The following CREB5 variants were observed in gnomAD, a reference collection of about 807,000 sequenced individuals.
The protein encoded by CREB5 is cAMP responsive element binding protein 5, also known as cyclic AMP-responsive element-binding protein 5.
CREB5 carries 19 observed loss-of-function variants against 57.1 expected under a neutral mutation model. That is an observed-to-expected ratio of 0.33 (90% confidence interval 0.23 to 0.49). The LOEUF (loss-of-function observed/expected upper bound fraction) is 0.49, where lower values mean the gene tolerates loss of function less well. Among genes scored for constraint, CREB5 ranks in the 20% least tolerant of loss-of-function variants. CREB5 has a pLI of 0.99. For missense variants in CREB5, 579 were observed against 671.6 expected (o/e 0.86, Z 1.52); for synonymous variants, 238 against 238.3 (o/e 1.00, Z 0.01).
intron 7 of CREB5, among the ~76,000 whole-genome samples, chr7:28,745,602 C>A (rs550393006): frequency 1.1e-3 from 167 of 152,326 alleles, no homozygotes; most frequent in Non-Finnish European, 1.9e-3. Flanking sequence ...CTCATCTCTG[C>A]CAGTGGCTGT....
At chr7:28,651,955 A>G (rs997516912) in intron 5 of CREB5, among the ~76,000 whole-genome samples, 1 of 152,156 alleles carries the variant, frequency 6.6e-6, no homozygotes, top group Admixed American at 6.6e-5. Context: ...TCTGAGCCTC[A>G]GCTTCCTCAC....
intron 4 of CREB5, among the ~76,000 whole-genome samples, chr7:28,512,701 G>T (rs1430488037): frequency 6.6e-6 from 1 of 151,968 alleles, no homozygotes; most frequent in Non-Finnish European, 1.5e-5. Flanking sequence ...ACGGGTAATT[G>T]AAGGGACTAG....
chr7:28,797,996 G>A (rs1427561927), intron 7 of CREB5, among the ~76,000 whole-genome samples: 3 of 151,894 alleles, frequency 2.0e-5, no homozygotes, highest in African/African-American at 7.3e-5. Context: ...ATGCTTTGGA[G>A]AGGCCACAGA....
chr7:28,763,807 A>ATTTTT (rs563568014), intron 7 of CREB5, among the ~76,000 whole-genome samples: 19 of 113,524 alleles, frequency 1.7e-4, no homozygotes, highest in Non-Finnish European at 3.1e-4. Context: ...TATTATTATT[A>ATTTTT]TTATTTTTTT....
At chr7:28,722,242 C>G (rs1472803116) in intron 6 of CREB5, among the ~76,000 whole-genome samples, 2 of 152,208 alleles carry the variant, frequency 1.3e-5, no homozygotes, top group Admixed American at 6.5e-5. Context: ...GCAGGCTACT[C>G]TTACCTCTTT....
chr7:28,810,998 T>C (rs1038471165), intron 9 of CREB5, among the ~76,000 whole-genome samples: 1 of 152,216 alleles, frequency 6.6e-6, no homozygotes, highest in Non-Finnish European at 1.5e-5. Flanking sequence ...GGGAAACATA[T>C]AGCAGATGTG....
At chr7:28,654,050 G>A (rs754398512) in intron 5 of CREB5, among the ~76,000 whole-genome samples, 6 of 152,228 alleles carry the variant, frequency 3.9e-5, no homozygotes, top group Middle Eastern at 6.8e-3. Context: ...ATTTTTTAAA[G>A]CTGTTTTTCA....
At chr7:28,448,914 G>C (rs971339661) in intron 1 of CREB5, among the ~76,000 whole-genome samples, 1 of 152,216 alleles carries the variant, frequency 6.6e-6, no homozygotes, top group Middle Eastern at 3.2e-3. Context: ...TGGGATGCAG[G>C]CCGTTGTGAC....
At chr7:28,745,113 C>T (rs1804617898) in intron 7 of CREB5, among the ~76,000 whole-genome samples, 1 of 152,224 alleles carries the variant, frequency 6.6e-6, no homozygotes, top group South Asian at 2.1e-4. Flanking sequence ...GTGCCCTGAA[C>T]ATCTCTCTTG....
intron 1 of CREB5, among the ~76,000 whole-genome samples, chr7:28,374,953 T>G (rs538673944): frequency 6.6e-6 from 1 of 152,308 alleles, no homozygotes; most frequent in East Asian, 1.9e-4. Flanking sequence ...TAGAAAGTTC[T>G]TCCCTCATTG....
Position 28,819,346 on chromosome 7 carries a change from A to G in CREB5, c.*67A>G. The G allele has an allele frequency of 6.7e-7, 1 of 1,494,104 alleles. No individual in the cohort carries two copies. The highest frequency in any genetic ancestry group is 1.3e-5 in the South Asian group (1 of 75,234). The allele number at this position is 1,494,104 out of a possible 1,614,324, so 92.6% of individuals were successfully genotyped here. On this transcript the variant is annotated 3_prime_UTR_variant, in exon 11 of 11. Transcript: ENST00000357727. Reference sequence around the variant, plus strand: ...ACCATGCGTCCTTTCTTTTAAGGGCATTTTTAGAATTAACTCAGACCTGGA... The same window carrying G: ...ACCATGCGTCCTTTCTTTTAAGGGCGTTTTTAGAATTAACTCAGACCTGGA...
chr7:28,574,706 G>C (rs768339192), intron 5 of CREB5, among the ~76,000 whole-genome samples: 30 of 152,104 alleles, frequency 2.0e-4, no homozygotes, highest in Non-Finnish European at 3.8e-4. Flanking sequence ...TAGGGCACTG[G>C]CCAAATATAT....
chr7:28,699,483 G>A (rs1253984458), intron 5 of CREB5, among the ~76,000 whole-genome samples: 2 of 152,086 alleles, frequency 1.3e-5, no homozygotes, highest in Non-Finnish European at 2.9e-5. Context: ...AAATTAATTT[G>A]TTGCAAAAGC....
At chr7:28,484,506 C>T (rs1370483751) in intron 1 of CREB5, among the ~76,000 whole-genome samples, 1 of 152,170 alleles carries the variant, frequency 6.6e-6, no homozygotes. Flanking sequence ...CAGAATAAAG[C>T]AGTTGAAGTT....
At chr7:28,453,201 G>T (rs992362248) in intron 1 of CREB5, among the ~76,000 whole-genome samples, 1 of 152,184 alleles carries the variant, frequency 6.6e-6, no homozygotes, top group African/African-American at 2.4e-5. Context: ...ACTTTCGGAG[G>T]CCAAGGTGGG....
At chr7:28,396,731 C>G (rs1334425452) in intron 1 of CREB5, among the ~76,000 whole-genome samples, 2 of 152,126 alleles carry the variant, frequency 1.3e-5, no homozygotes, top group Non-Finnish European at 2.9e-5. Flanking sequence ...GACTATAACT[C>G]TTGGCTGCTA....
intron 5 of CREB5, among the ~76,000 whole-genome samples, chr7:28,632,321 G>A (rs1798235187): frequency 6.6e-6 from 1 of 152,124 alleles, no homozygotes; most frequent in Admixed American, 6.5e-5. Context: ...TTGCAGATTG[G>A]GCAGCAATTT....
Position 28,818,112 on chromosome 7 carries a change from A to G in CREB5, c.1296A>G (p.Lys432=). ...TGAAAAATGAGGTGGCCCAGCTGAA[A>G]CAGTTGTTGTTAACACATAAAGACT... The part of the protein sequence containing the change: ...SMLKNEVAQL[K]QLLLTHKDCP... Residue 432 remains lysine (K), a synonymous_variant, in exon 10 of 11, where the codon AAA becomes AAG. Transcript: ENST00000357727. 6.2e-7 allele frequency: 1 copy of G among 1,613,808 alleles called. No homozygotes were observed. The highest frequency in any genetic ancestry group is 8.5e-7 in the Non-Finnish European group (1 of 1,179,800).
At chr7:28,696,648 T>C (rs1357642522) in intron 5 of CREB5, among the ~76,000 whole-genome samples, 2 of 152,134 alleles carry the variant, frequency 1.3e-5, no homozygotes, top group Non-Finnish European at 2.9e-5. Context: ...GGGAAATATA[T>C]TCTGTATCAC....
Sources: allele counts gnomAD v4.1 joint callset (sites outside exome capture counted in the v4.1 genomes callset), GRCh38; gene constraint gnomAD v4.1.1; transcripts MANE v1.5; gene names NCBI Gene and HGNC (gene_info 2026-07-23, HGNC 2026-07-21).